The following ZFYVE1 variants were observed in gnomAD, a reference collection of about 807,000 sequenced individuals.
ZFYVE1 encodes the protein zinc finger FYVE domain-containing protein 1.
ZFYVE1 carries 30 observed loss-of-function variants against 74.4 expected under a neutral mutation model. The ratio of observed to expected loss-of-function variants is 0.40; its 90% CI spans 0.30 to 0.55. The LOEUF (loss-of-function observed/expected upper bound fraction) is 0.55. Ranked by LOEUF, ZFYVE1 falls within the 20% of genes least tolerant of loss-of-function variation. ZFYVE1 has a pLI of 0.42. For missense variants in ZFYVE1, 703 were observed against 1,011.6 expected, an observed-to-expected ratio of 0.69 and a Z score of 4.14; for synonymous variants, 335 against 385.1, an observed-to-expected ratio of 0.87 and a Z score of 1.52.
chr14:73,005,240 G>A, intron 2 of ZFYVE1, among the ~76,000 whole-genome samples: 1 of 152,096 alleles, frequency 6.6e-6, no homozygotes, highest in Non-Finnish European at 1.5e-5. Context: ...AGTCAGGGAG[G>A]GAAAGGCAGA....
chr14:72,976,782 CAAA>C (rs61560948), intron 8 of ZFYVE1, among the ~76,000 whole-genome samples: 7 of 76,192 alleles, frequency 9.2e-5, no homozygotes, highest in Admixed American at 1.5e-4. Context: ...GACTCCATCT[CAAA>C]AAAAAAAAAA....
At chr14:72,997,567 A>C (rs776778042) in intron 3 of ZFYVE1, among the ~76,000 whole-genome samples, 2 of 152,202 alleles carry the variant, frequency 1.3e-5, no homozygotes, top group Admixed American at 6.5e-5. Flanking sequence ...AACAGGTCTT[A>C]TCCAGATCAC....
At chr14:73,002,168 C>A (rs1265052865) in intron 2 of ZFYVE1, among the ~76,000 whole-genome samples, 1 of 152,070 alleles carries the variant, frequency 6.6e-6, no homozygotes, top group Non-Finnish European at 1.5e-5. Flanking sequence ...AAAGGAGCCA[C>A]AATCAAAAGA....
At chr14:73,000,054 G>T (rs1346004332) in intron 2 of ZFYVE1, among the ~76,000 whole-genome samples, 1 of 152,006 alleles carries the variant, frequency 6.6e-6, no homozygotes, top group African/African-American at 2.4e-5. Flanking sequence ...ACAAGAACCT[G>T]TCTCAAAAAA....
rs1263866271 is a variant in ZFYVE1, at chr14:72,970,642, T to G, written c.*240A>C. On this transcript the variant is annotated 3_prime_UTR_variant, in exon 12 of 12. Coordinates refer to ENST00000556143, the MANE Select transcript of ZFYVE1 (RefSeq NM_021260.4). The stretch of plus-strand genomic sequence containing the variant: ...ATATATTCATTATTTTTAACTGAAA[T>G]AAATGCAACGGATTCAGGTTCATTC... The G allele has an allele frequency of 1.7e-6, 1 of 573,692 alleles. No individual in the cohort carries two copies. Among genetic ancestry groups the G allele is most frequent in the Admixed American group, 3.0e-5 (1 of 32,830 alleles). 35.5% of individuals were successfully genotyped at this position (573,692 alleles called of 1,614,324 possible). A position where few individuals can be genotyped will look rare whatever the true frequency, so the allele number is the denominator to read the frequency against.
chr14:72,978,926 G>A lies in ZFYVE1; in HGVS notation c.1354C>T (p.Pro452Ser), dbSNP rs1313385280. The A allele has an allele frequency of 1.2e-6, 2 of 1,613,898 alleles. No individual in the cohort carries two copies. Among genetic ancestry groups the A allele is most frequent in the African/African-American group, 2.7e-5 (2 of 74,904 alleles). ...CTGCAGCGGCTCTTGGCTTCATGAG[G>A]CACTCCTTCCTTCCCATGATTCATG... The part of the protein sequence containing the change: ...KSMNHGKEGV[P>S]HEAKSRCRYS... The change falls in exon 6 of 12, where the codon CCT becomes TCT. Residue 452 changes from proline (P) to serine (S), a missense_variant. Physicochemically the swap from Pro to Ser is moderately conservative, Grantham distance 74 (BLOSUM62 -1). Coordinates refer to ENST00000556143, the MANE Select transcript of ZFYVE1 (RefSeq NM_021260.4).
chr14:72,974,837 C>A lies in ZFYVE1; in HGVS notation c.1929G>T (p.Trp643Cys). Residue 643 changes from tryptophan to cysteine, a missense_variant, in exon 10 of 12, where the codon TGG (tryptophan) becomes TGT (cysteine). Around this residue, in one of 2 missense-constraint regions of ZFYVE1, gnomAD observed 492 missense variants for 790.0 expected, o/e 0.62. Coordinates refer to ENST00000556143, the MANE Select transcript of ZFYVE1 (RefSeq NM_021260.4). Reference protein sequence around the residue: ...SKTRPVPERGWGPAPVRVCDN... With the variant: ...SKTRPVPERGCGPAPVRVCDN... ...CACAGACCCGCACTGGCGCAGGGCCCCAGCCCCGCTCAGGCACTGGCCGAG... is the reference window on the plus strand; with the variant it reads ...CACAGACCCGCACTGGCGCAGGGCCACAGCCCCGCTCAGGCACTGGCCGAG... 1 of 1,613,752 alleles carries A rather than the reference C, an allele frequency of 6.2e-7. No homozygotes were observed. The highest frequency in any genetic ancestry group is 1.3e-5 in the African/African-American group (1 of 75,046).
chr14:72,993,888 G>A (rs549544239), intron 3 of ZFYVE1, among the ~76,000 whole-genome samples: 87 of 151,670 alleles, frequency 5.7e-4, no homozygotes, highest in African/African-American at 2.1e-3. Context: ...GGTGGCAGGT[G>A]CCTGTAATCC....
At chr14:72,971,537 G>T (rs552681847) in intron 11 of ZFYVE1, among the ~76,000 whole-genome samples, 1 of 151,994 alleles carries the variant, frequency 6.6e-6, no homozygotes, top group Admixed American at 6.6e-5. Context: ...CATGTTGTCC[G>T]GGCTGGTCTC....
At chr14:73,026,133 GAAAA>G (rs1309344308) in intron 1 of ZFYVE1, among the ~76,000 whole-genome samples, 2 of 95,766 alleles carry the variant, frequency 2.1e-5, no homozygotes, top group East Asian at 3.1e-4. Context: ...TTCACTAACT[GAAAA>G]AAAAAAAAAA....
chr14:72,992,412 A>G (rs1204407883), intron 4 of ZFYVE1, among the ~76,000 whole-genome samples: 1 of 152,140 alleles, frequency 6.6e-6, no homozygotes, highest in Non-Finnish European at 1.5e-5. Flanking sequence ...CAATTACTAC[A>G]TCTCTTGGTG....
intron 4 of ZFYVE1, among the ~76,000 whole-genome samples, chr14:72,991,550 T>A (rs958452296): frequency 6.6e-6 from 1 of 152,062 alleles, no homozygotes; most frequent in Admixed American, 6.6e-5. Flanking sequence ...GGAGCTGCTA[T>A]AATCCAGCCT....
chr14:72,982,867 G>A (rs1189365260), intron 4 of ZFYVE1, among the ~76,000 whole-genome samples: 1 of 151,908 alleles, frequency 6.6e-6, no homozygotes, highest in East Asian at 1.9e-4. Flanking sequence ...TTTTGAGATG[G>A]AGTTTTGCTC....
chr14:73,023,251 T>TGTTTTATATATAATATATATTA (rs1894362941), intron 2 of ZFYVE1, among the ~76,000 whole-genome samples: 1 of 93,224 alleles, frequency 1.1e-5, no homozygotes, highest in Non-Finnish European at 2.1e-5. Flanking sequence ...AATATATATA[T>TGTTTTATATATAATATATATTA]TATATGTTTT....
chr14:72,982,053 T>C (rs1406206711), intron 4 of ZFYVE1, among the ~76,000 whole-genome samples, 158 bp from the exon 5 acceptor site: 1 of 152,162 alleles, frequency 6.6e-6, no homozygotes, highest in Admixed American at 6.5e-5. Flanking sequence ...ACATCAGTCC[T>C]TACCATGGGA....
chr14:73,022,753 A>G (rs1175176965), intron 2 of ZFYVE1, among the ~76,000 whole-genome samples: 1 of 152,012 alleles, frequency 6.6e-6, no homozygotes, highest in Non-Finnish European at 1.5e-5. Context: ...CCCTTCCCCA[A>G]TCTCACCTAG....
intron 4 of ZFYVE1, among the ~76,000 whole-genome samples, chr14:72,991,662 G>A (rs763648418): frequency 2.6e-5 from 4 of 152,086 alleles, no homozygotes; most frequent in Admixed American, 1.3e-4. Context: ...GTCATCTTCC[G>A]TTTTCACTGC....
intron 2 of ZFYVE1, among the ~76,000 whole-genome samples, chr14:73,011,542 T>G (rs528528265): frequency 1.3e-5 from 2 of 151,714 alleles, no homozygotes; most frequent in Non-Finnish European, 2.9e-5. Flanking sequence ...ATTTTTGAGA[T>G]GGAGTCTTGC....
Position 72,969,881 on chromosome 14 carries a change from C to G in ZFYVE1, c.*1001G>C. 2 of 617,152 alleles carry G rather than the reference C, an allele frequency of 3.2e-6. No individual in the cohort carries two copies. Among genetic ancestry groups the G allele is most frequent in the Non-Finnish European group, 5.7e-6 (2 of 348,160 alleles). The allele number at this position is 617,152 out of a possible 1,614,324, so 38.2% of individuals were successfully genotyped here. On this transcript the variant is annotated 3_prime_UTR_variant, in exon 12 of 12. Coordinates refer to ENST00000556143, the MANE Select transcript of ZFYVE1 (RefSeq NM_021260.4). ...AAAACAACTAACAGTTCATCCTGTG[C>G]TCAGTTTCCCTGGAAGGTTTCTCAT... is the stretch of plus-strand genomic sequence containing the variant.
Sources: allele counts gnomAD v4.1 joint callset (sites outside exome capture counted in the v4.1 genomes callset), GRCh38; gene constraint gnomAD v4.1.1; regional missense constraint gnomAD v4.1.1; transcripts MANE v1.5; gene names NCBI Gene and HGNC (gene_info 2026-07-23, HGNC 2026-07-21).